ZNF804A: variants seen among roughly 807,000 people sequenced by gnomAD.
The protein encoded by ZNF804A is zinc finger protein 804A.
In ZNF804A, 2 loss-of-function variants were observed where a neutral mutation model predicts 16.5. That is an observed-to-expected ratio of 0.12 (90% CI 0.05 to 0.38). The LOEUF (loss-of-function observed/expected upper bound fraction) is 0.38, where lower values mean the gene tolerates loss of function less well. Ranked by LOEUF, ZNF804A falls within the 10% of genes least tolerant of loss-of-function variation. The probability of loss-of-function intolerance (pLI) is 0.99; values close to 1 mark genes in which losing one functional copy is unlikely to be tolerated. For missense variants in ZNF804A, 1,473 were observed against 1,390.7 expected (o/e 1.06, Z -0.94); for synonymous variants, 534 against 489.6 (o/e 1.09, Z -1.20).
At chr2:184,818,816 G>T (rs976717982) in intron 1 of ZNF804A, among the ~76,000 whole-genome samples, 1 of 151,950 alleles carries the variant, frequency 6.6e-6, no homozygotes, top group Non-Finnish European at 1.5e-5. Flanking sequence ...AGACAAAGAA[G>T]GGAGTTACAA....
chr2:184,625,952 T>A (rs1373799676), intron 1 of ZNF804A, among the ~76,000 whole-genome samples: 1 of 152,210 alleles, frequency 6.6e-6, no homozygotes, highest in Non-Finnish European at 1.5e-5. Flanking sequence ...CAGTGCAAGC[T>A]CTGCCTCCCG....
At chr2:184,821,817 A>G (rs1350716413) in intron 1 of ZNF804A, among the ~76,000 whole-genome samples, 1 of 152,168 alleles carries the variant, frequency 6.6e-6, no homozygotes, top group Non-Finnish European at 1.5e-5. Flanking sequence ...AAAAAAGCAC[A>G]ACATCACTGA....
At chr2:184,610,707 A>C (rs1284558397) in intron 1 of ZNF804A, among the ~76,000 whole-genome samples, 1 of 152,244 alleles carries the variant, frequency 6.6e-6, no homozygotes, top group South Asian at 2.1e-4. Flanking sequence ...AAGACAGTCA[A>C]TGTCTGGACA....
At chr2:184,901,663 A>C (rs753191729) in intron 2 of ZNF804A, among the ~76,000 whole-genome samples, 27 of 152,124 alleles carry the variant, frequency 1.8e-4, no homozygotes, top group Non-Finnish European at 3.1e-4. Flanking sequence ...TTTGTGATTT[A>C]ATCAACCGTC....
chr2:184,904,188 A>T (rs1349419806), intron 2 of ZNF804A, among the ~76,000 whole-genome samples: 1 of 152,122 alleles, frequency 6.6e-6, no homozygotes, highest in African/African-American at 2.4e-5. Context: ...GTATAATGAA[A>T]ACTACAAAAT....
chr2:184,885,987 G>T (rs1039477488), intron 2 of ZNF804A, among the ~76,000 whole-genome samples: 1 of 152,082 alleles, frequency 6.6e-6, no homozygotes, highest in African/African-American at 2.4e-5. Context: ...ACCGTCTCCT[G>T]AAGTCACAAT....
rs529478516 is a variant in ZNF804A at position 184,615,065 on chromosome 2, T to C, written c.111+15995T>C. On this transcript the variant is annotated intron_variant, in intron 1 of 3. Transcript: ENST00000302277. ...ATACCCAAAGGATTATAAATCATTC[T>C]ACTCTAAAGACACATGCACACATAT... Among the ~76,000 whole-genome samples, 3 of 152,354 alleles carry C rather than the reference T, an allele frequency of 2.0e-5. No individual in the cohort carries two copies. The East Asian group carries it at 5.8e-4, about 29-fold the overall frequency.
intron 2 of ZNF804A, among the ~76,000 whole-genome samples, chr2:184,916,029 G>A (rs1162762803): frequency 2.6e-5 from 4 of 152,158 alleles, no homozygotes; most frequent in Admixed American, 6.6e-5. Flanking sequence ...TTTGCATAGT[G>A]TCATTGAAGA....
At position 184,763,625 on chromosome 2, in the gene ZNF804A, AAGTGCTTTTTTT is replaced by A. The variant is rs1360999641; in HGVS notation, c.112-102743_112-102732del. ...TCTATTGCTTTACTTTTTTTCTTCA[AAGTGCTTTTTTT>A]TTTTTTTTTTTTTTTTTTTTTTTTT... On this transcript the variant is annotated intron_variant, in intron 1 of 3. Coordinates refer to ENST00000302277, the MANE Select transcript of ZNF804A (RefSeq NM_194250.2). 5.4e-4 allele frequency among the ~76,000 whole-genome samples: 63 copies of A among 117,604 alleles called. 1 individual carries two copies. In the South Asian group the frequency reaches 0.014, roughly 26 times the overall value. 77.2% of individuals were successfully genotyped at this position (117,604 alleles called of 152,430 possible).
At chr2:184,732,058 G>A (rs1471005277) in intron 1 of ZNF804A, among the ~76,000 whole-genome samples, 1 of 152,108 alleles carries the variant, frequency 6.6e-6, no homozygotes, top group Non-Finnish European at 1.5e-5. Flanking sequence ...TAATTTGGGA[G>A]AGGTCTAGCT....
At chr2:184,737,474 A>C (rs564819601) in intron 1 of ZNF804A, among the ~76,000 whole-genome samples, 1 of 152,234 alleles carries the variant, frequency 6.6e-6, no homozygotes, top group South Asian at 2.1e-4. Flanking sequence ...AATACAATTT[A>C]ATGATTTACA....
chr2:184,627,987 A>G (rs890658898), intron 1 of ZNF804A, among the ~76,000 whole-genome samples: 3 of 152,210 alleles, frequency 2.0e-5, no homozygotes, highest in Admixed American at 6.5e-5. Context: ...GGCAATGGGA[A>G]CAAAAGAACA....
At chr2:184,656,684 A>T (rs764126158) in intron 1 of ZNF804A, among the ~76,000 whole-genome samples, 13 of 151,902 alleles carry the variant, frequency 8.6e-5, no homozygotes, top group South Asian at 4.2e-4. Context: ...GTATATATAC[A>T]TATATACACA....
At chr2:184,713,202 A>G (rs1559132880) in intron 1 of ZNF804A, among the ~76,000 whole-genome samples, 1 of 151,714 alleles carries the variant, frequency 6.6e-6, no homozygotes, top group Non-Finnish European at 1.5e-5. Context: ...GACAGTCTAG[A>G]TTACTCCTCA....
chr2:184,892,478 G>A (rs1574259375), intron 2 of ZNF804A, among the ~76,000 whole-genome samples: 1 of 112,040 alleles, frequency 8.9e-6, no homozygotes, highest in Admixed American at 1.0e-4. Context: ...TCACATTGTT[G>A]TGTTCTTTTT....
At chr2:184,914,279 C>G (rs1234040852) in intron 2 of ZNF804A, among the ~76,000 whole-genome samples, 1 of 152,124 alleles carries the variant, frequency 6.6e-6, no homozygotes, top group Non-Finnish European at 1.5e-5. Flanking sequence ...GCTCTTTTCT[C>G]TGGTATTCCA....
intron 2 of ZNF804A, among the ~76,000 whole-genome samples, chr2:184,916,263 A>C (rs1288056290): frequency 1.3e-5 from 2 of 152,178 alleles, no homozygotes; most frequent in African/African-American, 4.8e-5. Flanking sequence ...TATAACCAAA[A>C]ATTTTGGAAC....
intron 1 of ZNF804A, among the ~76,000 whole-genome samples, chr2:184,693,929 C>CT (rs34131171): frequency 0.14 from 16,382 of 121,190 alleles, 1,396 homozygotes; most frequent in Middle Eastern, 0.2. Flanking sequence ...CTAACTTAGT[C>CT]TTTTTTTTTT....
intron 1 of ZNF804A, among the ~76,000 whole-genome samples, chr2:184,742,196 G>A (rs1693718707): frequency 1.3e-5 from 2 of 151,798 alleles, no homozygotes; most frequent in African/African-American, 4.8e-5. Flanking sequence ...ATATAGACAA[G>A]TATTTTTGTG....
Sources: gnomAD v4.1 joint callset for allele counts (sites outside exome capture counted in the v4.1 genomes callset) on GRCh38, gnomAD v4.1.1 for gene constraint, MANE v1.5 for transcripts, NCBI Gene and HGNC (gene_info 2026-07-23, HGNC 2026-07-21) for gene names.